Variants in PCDH15 observed in about 807,000 individuals in gnomAD.
PCDH15 encodes the protein protocadherin-15.
A neutral mutation model predicts 178.5 loss-of-function variants in PCDH15; 129 were observed. That is an observed-to-expected ratio of 0.72 (90% CI 0.63 to 0.84). The LOEUF (loss-of-function observed/expected upper bound fraction) is 0.84. Ranked by LOEUF, PCDH15 falls within the 40% of genes least tolerant of loss-of-function variation. The pLI, the probability that PCDH15 is intolerant of heterozygous loss-of-function variation, is 0.00. For synonymous variants in PCDH15, 800 were observed against 732.0 expected (o/e 1.09, Z -1.50); for missense variants, 2,230 against 2,099.9 (o/e 1.06, Z -1.21).
chr10:54,323,932 A>AT (rs1397463101), intron 7 of PCDH15, among the ~76,000 whole-genome samples: 1 of 152,108 alleles, frequency 6.6e-6, no homozygotes, highest in Non-Finnish European at 1.5e-5. Context: ...AATATTTCTT[A>AT]TTTTTTATGC....
intron 2 of PCDH15, among the ~76,000 whole-genome samples, chr10:54,609,191 A>T (rs2092877190): frequency 6.6e-6 from 1 of 152,060 alleles, no homozygotes; most frequent in South Asian, 2.1e-4. Flanking sequence ...AAAAATGAAA[A>T]TTTTTGGTAA....
At chr10:55,207,448 G>A (rs946168823) in intron 1 of PCDH15, among the ~76,000 whole-genome samples, 2 of 152,136 alleles carry the variant, frequency 1.3e-5, no homozygotes, top group African/African-American at 2.4e-5. Context: ...GAATGGCTCC[G>A]TTATTTAGCC....
intron 27 of PCDH15, 37 bp from the exon 28 acceptor site, chr10:53,857,300 C>T (rs1351556626): frequency 6.6e-7 from 1 of 1,511,060 alleles, no homozygotes; most frequent in Admixed American, 1.7e-5. Flanking sequence ...TTAATTTTTA[C>T]TCACTGAAAT....
intron 1 of PCDH15, among the ~76,000 whole-genome samples, chr10:54,742,661 C>T (rs984160018): frequency 2.6e-5 from 4 of 151,914 alleles, no homozygotes; most frequent in East Asian, 3.9e-4. Context: ...TGACTTTATA[C>T]CAGGGTGAAG....
intron 2 of PCDH15, among the ~76,000 whole-genome samples, chr10:55,472,628 G>C (rs1332628453): frequency 6.6e-6 from 1 of 152,108 alleles, no homozygotes; most frequent in African/African-American, 2.4e-5. Context: ...GAGTGCAGTG[G>C]CGCGGTCTGC....
chr10:54,426,533 A>AC (rs1956284398), intron 3 of PCDH15, among the ~76,000 whole-genome samples: 1 of 152,142 alleles, frequency 6.6e-6, no homozygotes, highest in Admixed American at 6.5e-5. Flanking sequence ...AGGCCACGGA[A>AC]CGGTACCAGT....
At chr10:55,377,136 C>T (rs1447672974) in intron 2 of PCDH15, among the ~76,000 whole-genome samples, 5 of 142,520 alleles carry the variant, frequency 3.5e-5, no homozygotes, top group African/African-American at 5.2e-5. Context: ...TGTGATAACT[C>T]TTTCTTCACT....
chr10:53,814,322 TA>T lies in PCDH15; in HGVS notation c.4491+1916del, dbSNP rs201254168. On this transcript the variant is annotated intron_variant, in intron 35 of 37. Transcript: ENST00000644397. ...GAAATAAAAATTTCAAGTAAATATT[TA>T]TGGAGAAATAATGCAACTGAGTGGA... Among the ~76,000 whole-genome samples, 189 of 152,246 alleles carry T rather than the reference TA, an allele frequency of 1.2e-3. No homozygotes were observed. The East Asian group carries it at 0.033, about 27-fold the overall frequency.
At chr10:54,297,166 AG>A (rs1246923624) in intron 8 of PCDH15, among the ~76,000 whole-genome samples, 2 of 151,982 alleles carry the variant, frequency 1.3e-5, no homozygotes, top group African/African-American at 4.8e-5. Context: ...GTTCTTGGGC[AG>A]GGGGAGAAAC....
At chr10:54,496,149 A>G (rs2137264145) in intron 3 of PCDH15, among the ~76,000 whole-genome samples, 1 of 152,250 alleles carries the variant, frequency 6.6e-6, no homozygotes, top group African/African-American at 2.4e-5. Context: ...CCTGCGACTC[A>G]ATATGCATTC....
At chr10:54,256,054 C>T (rs530948841) in intron 8 of PCDH15, among the ~76,000 whole-genome samples, 97 of 152,250 alleles carry the variant, frequency 6.4e-4, no homozygotes, top group South Asian at 2.1e-4. Context: ...GAATAGTCTC[C>T]GGAAGGATAC....
rs895729771 is a variant in PCDH15, at chr10:55,286,754, TTC to T, written c.-156+32843_-156+32844del. On this transcript the variant is annotated intron_variant, in intron 1 of 5. Coordinates refer to the PCDH15 transcript ENST00000458638. ...TTGCCTATATTTTGCATAATCAATTTTCATATTGAAAAGTCAGGCTTCTTCCA... is the reference window on the plus strand; with the variant it reads ...TTGCCTATATTTTGCATAATCAATTTATATTGAAAAGTCAGGCTTCTTCCA... Among the ~76,000 whole-genome samples, 549 of 152,104 alleles carry T rather than the reference TTC, an allele frequency of 3.6e-3. 6 individuals are homozygous for T. Among genetic ancestry groups the T allele is most frequent in the African/African-American group, 0.012 (513 of 41,542 alleles).
chr10:55,451,999 T>G (rs1161753964), intron 2 of PCDH15, among the ~76,000 whole-genome samples: 1 of 152,190 alleles, frequency 6.6e-6, no homozygotes, highest in Non-Finnish European at 1.5e-5. Context: ...TGTGAATAAA[T>G]GTATTTTAAG....
chr10:55,594,519 A>G (rs1842904045), intron 2 of PCDH15, among the ~76,000 whole-genome samples: 1 of 152,066 alleles, frequency 6.6e-6, no homozygotes, highest in Non-Finnish European at 1.5e-5. Flanking sequence ...ATTACCACAA[A>G]TAGTAATTTA....
intron 3 of PCDH15, among the ~76,000 whole-genome samples, chr10:54,837,877 A>C (rs1475207479): frequency 6.6e-6 from 1 of 152,098 alleles, no homozygotes; most frequent in Non-Finnish European, 1.5e-5. Context: ...CTACAGACCC[A>C]AAACAGTCCC....
At position 55,496,709 on chromosome 10, in the gene PCDH15, CAT is replaced by C. The variant is rs1027590342; in HGVS notation, c.-156+130914_-156+130915del. On this transcript the variant is annotated intron_variant, in intron 2 of 5. Coordinates refer to the PCDH15 transcript ENST00000613346. ...ACAGAAGTATATACATGGGTATACA[CAT>C]ATATGTCTATACATACTATATATGG... is the stretch of plus-strand genomic sequence containing the variant. Among the ~76,000 whole-genome samples the C allele has an allele frequency of 1.2e-3, 184 of 151,822 alleles. 3 individuals carry two copies. The highest frequency in any genetic ancestry group is 4.2e-3 in the African/African-American group (175 of 41,472).
At chr10:54,529,266 C>A (rs1168011961) in intron 2 of PCDH15, among the ~76,000 whole-genome samples, 2 of 152,092 alleles carry the variant, frequency 1.3e-5, no homozygotes, top group Admixed American at 6.5e-5. Flanking sequence ...ATTTTCAGAT[C>A]TAAAATATCT....
In PCDH15 at chr10:54,305,118, C is replaced by A. The variant is rs916044276; in HGVS notation, c.876+12153G>T. ...TTTTAAAGTGTTATGTACATAATTT[C>A]TTTTCTGATGACCTCATTGAATTCT... On this transcript the variant is annotated intron_variant, in intron 8 of 37. Transcript: ENST00000644397. Among the ~76,000 whole-genome samples, 8 of 152,170 alleles carry A rather than the reference C, an allele frequency of 5.3e-5. No individual in the cohort carries two copies. In the East Asian group the frequency reaches 1.2e-3, roughly 22 times the overall value.
At chr10:54,173,575 A>G (rs2047119084) in intron 13 of PCDH15, among the ~76,000 whole-genome samples, 1 of 152,148 alleles carries the variant, frequency 6.6e-6, no homozygotes, top group South Asian at 2.1e-4. Context: ...GTTATTTCCC[A>G]TGACTCATAA....
Sources: gnomAD v4.1 joint callset for allele counts (sites outside exome capture counted in the v4.1 genomes callset) on GRCh38, gnomAD v4.1.1 for gene constraint, MANE v1.5 for transcripts, NCBI Gene and HGNC (gene_info 2026-07-23, HGNC 2026-07-21) for gene names.